Variants in NEMF observed in about 807,000 individuals in gnomAD.
The protein encoded by NEMF is ribosome quality control complex subunit NEMF.
Under a neutral mutation model 162.2 loss-of-function variants are expected in NEMF, and 89 were observed. The observed-to-expected ratio is 0.55, with a 90% CI of 0.46 to 0.65. NEMF has a LOEUF of 0.65. Among genes scored for constraint, NEMF ranks in the 30% least tolerant of loss-of-function variants. The probability of loss-of-function intolerance (pLI) is 0.00; values close to 1 mark genes in which losing one functional copy is unlikely to be tolerated. For missense variants in NEMF, 1,133 were observed against 1,261.9 expected (o/e 0.90, Z 1.55); for synonymous variants, 421 against 404.5 (o/e 1.04, Z -0.49).
At chr14:49,849,994 T>C (rs1893692861) in intron 3 of NEMF, among the ~76,000 whole-genome samples, 1 of 152,154 alleles carries the variant, frequency 6.6e-6, no homozygotes, top group African/African-American at 2.4e-5. Context: ...CTGTAAAGCC[T>C]CTAATGAAAT....
At chr14:49,840,672 A>G (rs1394005392) in intron 5 of NEMF, 46 bp downstream of exon 5, 1 of 1,551,790 alleles carries the variant, frequency 6.4e-7, no homozygotes, top group African/African-American at 1.4e-5. Context: ...GTTGCCCAGT[A>G]CATTTTAATA....
chr14:49,828,928 T>C (rs758490245), intron 13 of NEMF, 121 bp from the exon 14 acceptor site: 133 of 1,275,646 alleles, frequency 1.0e-4, no homozygotes, highest in Non-Finnish European at 1.4e-4. Flanking sequence ...TTTATTTTAA[T>C]CTAAATTAGT....
chr14:49,805,824 A>G (rs1891161883), intron 19 of NEMF, among the ~76,000 whole-genome samples, 197 bp downstream of exon 19: 1 of 152,046 alleles, frequency 6.6e-6, no homozygotes, highest in African/African-American at 2.4e-5. Flanking sequence ...GGTATCCCCT[A>G]TCACTCTCTA....
At chr14:49,788,790 C>T (rs1160890943) in intron 28 of NEMF, among the ~76,000 whole-genome samples, 1 of 152,094 alleles carries the variant, frequency 6.6e-6, no homozygotes, top group Non-Finnish European at 1.5e-5. Flanking sequence ...ATCTCCTGAC[C>T]TTGTGATCTG....
chr14:49,788,553 TCTC>T (rs1464050294), intron 28 of NEMF, among the ~76,000 whole-genome samples: 1 of 67,662 alleles, frequency 1.5e-5, no homozygotes, highest in Non-Finnish European at 3.1e-5. Flanking sequence ...CAATTTTCTC[TCTC>T]TCTTTTTTTT....
At chr14:49,824,544 C>CAA (rs34629301) in intron 16 of NEMF, among the ~76,000 whole-genome samples, 109,173 of 118,844 alleles carry the variant, frequency 0.92, 50,601 homozygotes, top group Non-Finnish European at 0.98. Context: ...AATTCCGTCT[C>CAA]AAAAAAAAAA....
At chr14:49,824,361 G>A (rs1302117420) in intron 16 of NEMF, among the ~76,000 whole-genome samples, 3 of 151,774 alleles carry the variant, frequency 2.0e-5, no homozygotes, top group Non-Finnish European at 4.4e-5. Flanking sequence ...TGGCAAGTAA[G>A]GTGAAACCCC....
At chr14:49,852,567 G>C (rs1038673738) in intron 1 of NEMF, 128 bp downstream of exon 1, 2 of 994,012 alleles carry the variant, frequency 2.0e-6, no homozygotes, top group African/African-American at 3.2e-5. Context: ...TGCCCACTCA[G>C]GCCTAGGCAG....
At position 49,847,192 on chromosome 14, in the gene NEMF, C is replaced by CTTAT. The variant is rs111810839; in HGVS notation, c.232-931_232-928dup. 2.2e-3 allele frequency among the ~76,000 whole-genome samples: 325 copies of CTTAT among 150,328 alleles called. No individual in the cohort carries two copies. The Middle Eastern group carries it at 0.029, about 13-fold the overall frequency. On this transcript the variant is annotated intron_variant, in intron 3 of 32. Transcript: ENST00000298310. ...AGCCACTGTGCCCAGCCAACCTTTA[C>CTTAT]TTATTTATTTATTTATTTATTTATT...
intron 17 of NEMF, 44 bp from the exon 18 acceptor site, chr14:49,814,094 ATTCT>A (rs1188592584): frequency 3.5e-6 from 4 of 1,151,788 alleles, no homozygotes; most frequent in Non-Finnish European, 5.2e-6. Context: ...AGTCCTAATT[ATTCT>A]TTTTTCCTTT....
At chr14:49,818,140 T>C (rs1432343712) in intron 16 of NEMF, among the ~76,000 whole-genome samples, 1 of 145,732 alleles carries the variant, frequency 6.9e-6, no homozygotes, top group African/African-American at 2.6e-5. Flanking sequence ...CAGACTGGAG[T>C]GCAGTGGCCC....
chr14:49,828,863 C>T, intron 13 of NEMF, 56 bp from the exon 14 acceptor site: 1 of 1,387,976 alleles, frequency 7.2e-7, no homozygotes, highest in South Asian at 1.5e-5. Context: ...CTTTTATTTT[C>T]AATTTTCTTC....
intron 25 of NEMF, chr14:49,797,486 T>C (rs2139846978): frequency 6.6e-6 from 1 of 152,004 alleles, no homozygotes; most frequent in East Asian, 1.9e-4. Flanking sequence ...AAAAACAAAA[T>C]TAGCCGGGCG....
At chr14:49,828,404 G>T (rs1327332958) in intron 14 of NEMF, 50 bp from the exon 15 acceptor site, 2 of 1,233,326 alleles carry the variant, frequency 1.6e-6, no homozygotes, top group Admixed American at 4.1e-5. Context: ...TTATTCTTCA[G>T]TTTTCTACTT....
intron 4 of NEMF, chr14:49,845,854 A>G (rs1243350604): frequency 2.2e-6 from 1 of 463,772 alleles, no homozygotes; most frequent in African/African-American, 2.0e-5. Flanking sequence ...TTCTGGTTGC[A>G]TATTAGTCCT....
At chr14:49,815,640 T>A (rs1891679220) in intron 16 of NEMF, among the ~76,000 whole-genome samples, 2 of 152,140 alleles carry the variant, frequency 1.3e-5, no homozygotes, top group South Asian at 4.1e-4. Context: ...GGGTAACACA[T>A]ACTCATGGTT....
chr14:49,803,394 A>C (rs1566662557), intron 19 of NEMF, 100 bp from the exon 20 acceptor site: 2 of 715,892 alleles, frequency 2.8e-6, no homozygotes, highest in Admixed American at 2.7e-5. Flanking sequence ...AGTAAGCCAC[A>C]CTGTCTTCTG....
intron 29 of NEMF, chr14:49,785,639 T>C (rs997409274): frequency 2.6e-5 from 7 of 265,374 alleles, no homozygotes; most frequent in African/African-American, 1.1e-4. Context: ...CCTAGGACTC[T>C]GGAAGGCTCA....
intron 3 of NEMF, among the ~76,000 whole-genome samples, chr14:49,851,059 C>T (rs898397865): frequency 1.3e-5 from 2 of 152,078 alleles, no homozygotes; most frequent in African/African-American, 2.4e-5. Context: ...GAGAAATTAG[C>T]CGGGTCTGGT....
Sources: gnomAD v4.1 joint callset for allele counts (sites outside exome capture counted in the v4.1 genomes callset) on GRCh38, gnomAD v4.1.1 for gene constraint, MANE v1.5 for transcripts, NCBI Gene and HGNC (gene_info 2026-07-23, HGNC 2026-07-21) for gene names.